The following EPS15 variants were observed in gnomAD, a reference collection of about 807,000 sequenced individuals.
The protein encoded by EPS15 is epidermal growth factor receptor substrate 15.
In EPS15, 72 loss-of-function variants were observed where a neutral mutation model predicts 113.8. That is an observed-to-expected ratio of 0.63 (90% CI 0.52 to 0.77). The LOEUF (loss-of-function observed/expected upper bound fraction) is 0.77. EPS15 is among the 30% of genes least tolerant of loss of function. The pLI is 0.00. For missense variants in EPS15, 1,048 were observed against 1,045.8 expected (o/e 1.00, Z -0.03); for synonymous variants, 344 against 363.4 (o/e 0.95, Z 0.61).
chr1:51,356,547 GAAA>G lies in EPS15; in HGVS notation c.*150_*152del. 2.1e-6 allele frequency: 1 copy of G among 465,838 alleles called. No individual in the cohort carries two copies. The highest frequency in any genetic ancestry group is 3.5e-6 in the Non-Finnish European group (1 of 285,628). 28.9% of individuals were successfully genotyped at this position (465,838 alleles called of 1,614,324 possible). On this transcript the variant is annotated 3_prime_UTR_variant, in exon 25 of 25. Coordinates refer to ENST00000371733, the MANE Select transcript of EPS15 (RefSeq NM_001981.3). ...AAAAAAAAGACGAATCTGTAATGAA[GAAA>G]AAAAAAAAATCCTAAAATTTTGTCA...
chr1:51,444,967 C>T lies in EPS15; in HGVS notation c.876G>A (p.Lys292=). ...GAGGAGGATCAATGCCCTTGATTAA[C>T]TTCTGACTGATTAAGTGAAAAGCCA... The part of the protein sequence containing the change: ...FALAFHLISQ[K]LIKGIDPPHV... Residue 292 remains lysine (K), a synonymous_variant, in exon 11 of 25, where the codon AAG becomes AAA. Transcript: ENST00000371733. The T allele has an allele frequency of 5.6e-6, 9 of 1,613,982 alleles. No individual in the cohort carries two copies. The highest frequency in any genetic ancestry group is 7.6e-6 in the Non-Finnish European group (9 of 1,179,916).
At chr1:51,402,744 G>C (rs1176571667) in intron 17 of EPS15, among the ~76,000 whole-genome samples, 3 of 152,050 alleles carry the variant, frequency 2.0e-5, no homozygotes, top group Non-Finnish European at 2.9e-5. Context: ...CCAAAATGGT[G>C]AAACCCCGTC....
rs980290668 is a variant in EPS15, at chr1:51,439,780, G to T, written c.1040+567C>A. Among the ~76,000 whole-genome samples the T allele has an allele frequency of 3.9e-5, 6 of 152,054 alleles. No individual in the cohort carries two copies. In the East Asian group the frequency reaches 1.2e-3, roughly 29 times the overall value. ...AGCTGACAAGCTTGTATCATTTTGG[G>T]CAAAATATCTAAGCATCTTAAGTTT... On this transcript the variant is annotated intron_variant, in intron 12 of 24. Transcript: ENST00000371733.
At chr1:51,394,880 C>G (rs1006958708) in intron 20 of EPS15, among the ~76,000 whole-genome samples, 3 of 152,018 alleles carry the variant, frequency 2.0e-5, no homozygotes, top group Admixed American at 6.6e-5. Context: ...TTTTTAGAGA[C>G]AGGGTCTTGC....
At chr1:51,422,724 C>T (rs141780737) in intron 12 of EPS15, among the ~76,000 whole-genome samples, 1 of 152,352 alleles carries the variant, frequency 6.6e-6, no homozygotes, top group African/African-American at 2.4e-5. Context: ...CGTGCACACG[C>T]ACACACAAAC....
chr1:51,413,039 G>A (rs1007704045), intron 13 of EPS15, among the ~76,000 whole-genome samples: 22 of 152,128 alleles, frequency 1.4e-4, no homozygotes, highest in Non-Finnish European at 2.8e-4. Context: ...AAAACCTTCA[G>A]TTCTGGGTTC....
At chr1:51,430,796 ATT>A (rs892395565) in intron 12 of EPS15, among the ~76,000 whole-genome samples, 4 of 148,524 alleles carry the variant, frequency 2.7e-5, no homozygotes, top group Non-Finnish European at 4.5e-5. Context: ...TCTCTATAAA[ATT>A]TTTTTTTTTA....
At chr1:51,389,315 A>T (rs1647192166) in intron 21 of EPS15, among the ~76,000 whole-genome samples, 2 of 152,228 alleles carry the variant, frequency 1.3e-5, no homozygotes, top group Non-Finnish European at 2.9e-5. Context: ...GATGGGACGT[A>T]TCTCAAAATA....
At chr1:51,372,336 C>T (rs1430640101) in intron 21 of EPS15, 8 of 533,056 alleles carry the variant, frequency 1.5e-5, no homozygotes, top group East Asian at 5.5e-5. Flanking sequence ...TCATTTCAAC[C>T]GAATCAGCAA....
At chr1:51,451,226 C>T (rs993826397) in intron 8 of EPS15, among the ~76,000 whole-genome samples, 4 of 151,636 alleles carry the variant, frequency 2.6e-5, no homozygotes, top group Non-Finnish European at 5.9e-5. Flanking sequence ...TGGTGGCTCA[C>T]GCCTGTAATC....
chr1:51,419,475 C>T (rs894949605), intron 13 of EPS15, among the ~76,000 whole-genome samples: 9 of 152,092 alleles, frequency 5.9e-5, no homozygotes. Context: ...CATATTATCA[C>T]TGTGACTTTA....
intron 15 of EPS15, among the ~76,000 whole-genome samples, chr1:51,407,201 T>A (rs572264566): frequency 6.6e-6 from 1 of 152,202 alleles, no homozygotes. Context: ...CTTTTTTTTT[T>A]AGTTTTTATT....
chr1:51,448,181 C>T lies in EPS15; in HGVS notation c.562-46G>A, dbSNP rs531880883. The T allele has an allele frequency of 4.6e-6, 5 of 1,095,408 alleles. No individual in the cohort carries two copies. In the Admixed American group the frequency reaches 9.7e-5, roughly 21 times the overall value. The allele number at this position is 1,095,408 out of a possible 1,614,324, so 67.9% of individuals were successfully genotyped here. A position where few individuals can be genotyped will look rare whatever the true frequency, so the allele number is the denominator to read the frequency against. ...GGTCATATATATTAAAAGCACTTAA[C>T]ATCCACCCACTGAATTGATTATTGT... On this transcript the variant is annotated intron_variant, in intron 8 of 24. Coordinates refer to ENST00000371733, the MANE Select transcript of EPS15 (RefSeq NM_001981.3).
At chr1:51,472,402 G>A (rs1299628498) in intron 3 of EPS15, among the ~76,000 whole-genome samples, 7 of 152,092 alleles carry the variant, frequency 4.6e-5, no homozygotes, top group Non-Finnish European at 1.5e-5. Flanking sequence ...TATTTTTCAG[G>A]ATTCTGAATA....
intron 1 of EPS15, among the ~76,000 whole-genome samples, chr1:51,484,439 A>C (rs1644082997): frequency 6.6e-6 from 1 of 152,074 alleles, no homozygotes; most frequent in Admixed American, 6.5e-5. Context: ...TTAAATTTTA[A>C]ATTTTAAAAA....
In EPS15 at chr1:51,356,834, C is replaced by T. The variant is rs1260217408; in HGVS notation, c.2557G>A (p.Glu853Lys). 6.2e-7 allele frequency: 1 copy of T among 1,611,518 alleles called. No individual in the cohort carries two copies. Residue 853 changes from glutamate to lysine, a missense_variant, in exon 25 of 25, where the codon GAA (glutamate) becomes AAA (lysine). Physicochemically the swap from Glu to Lys is moderately conservative, Grantham distance 56. Transcript: ENST00000371733. ...FANFSAYPSE[E>K]DMIEWAKRES... ...CTCTTGGCCCATTCGATCATATCTT[C>T]TTCAGAGGGATACTGCCATTTAAAA...
chr1:51,413,824 C>T (rs1449716428), intron 13 of EPS15, among the ~76,000 whole-genome samples: 1 of 152,144 alleles, frequency 6.6e-6, no homozygotes, highest in Non-Finnish European at 1.5e-5. Context: ...TCACGGCTCA[C>T]TGTAGCTTCA....
chr1:51,409,046 A>G (rs1053168868), intron 14 of EPS15, among the ~76,000 whole-genome samples: 8 of 152,088 alleles, frequency 5.3e-5, no homozygotes, highest in Middle Eastern at 3.2e-3. Flanking sequence ...TCGGCCTCCC[A>G]AAGTGCTGGG....
chr1:51,378,203 A>ATT (rs59739270), intron 21 of EPS15, among the ~76,000 whole-genome samples: 14,699 of 147,032 alleles, frequency 0.1, 880 homozygotes, highest in African/African-American at 0.16. Flanking sequence ...GATCATTAGC[A>ATT]TTTTTTTTTT....
Sources: gnomAD v4.1 joint callset for allele counts (sites outside exome capture counted in the v4.1 genomes callset) on GRCh38, gnomAD v4.1.1 for gene constraint, MANE v1.5 for transcripts, NCBI Gene and HGNC (gene_info 2026-07-23, HGNC 2026-07-21) for gene names.